The following GPC5 variants were observed in gnomAD, a reference collection of about 807,000 sequenced individuals.
GPC5 encodes the protein glypican 5, also known as glypican-5.
Under a neutral mutation model 53.9 loss-of-function variants are expected in GPC5, and 47 were observed. The ratio of observed to expected loss-of-function variants is 0.87; its 90% CI spans 0.69 to 1.11. The LOEUF is 1.11. GPC5 is among the 50% of genes most tolerant of loss of function. The pLI, the probability that GPC5 is intolerant of heterozygous loss-of-function variation, is 0.00. For synonymous variants in GPC5, 286 were observed against 263.3 expected, an observed-to-expected ratio of 1.09 and a Z score of -0.84; for missense variants, 748 against 713.1, an observed-to-expected ratio of 1.05 and a Z score of -0.56.
At chr13:91,845,825 A>G (rs1179199678) in intron 5 of GPC5, among the ~76,000 whole-genome samples, 7 of 152,212 alleles carry the variant, frequency 4.6e-5, no homozygotes, top group Non-Finnish European at 8.8e-5. Context: ...CTTGGTTAAA[A>G]TGTAAGATTT....
At chr13:91,530,253 TG>T (rs1886281828) in intron 2 of GPC5, among the ~76,000 whole-genome samples, 1 of 152,212 alleles carries the variant, frequency 6.6e-6, no homozygotes, top group African/African-American at 2.4e-5. Context: ...TGGATATCCC[TG>T]GAGAGTGGTT....
intron 2 of GPC5, among the ~76,000 whole-genome samples, chr13:91,594,917 A>G (rs7321257): frequency 0.24 from 36,737 of 151,702 alleles, 4,834 homozygotes; most frequent in African/African-American, 0.33. Context: ...CAGTCTTTCC[A>G]TCTTGAGCTC....
At chr13:92,008,546 A>G (rs1266690067) in intron 6 of GPC5, among the ~76,000 whole-genome samples, 2 of 151,978 alleles carry the variant, frequency 1.3e-5, no homozygotes, top group South Asian at 2.1e-4. Context: ...AAGCAAAATT[A>G]TCTTTTTAAA....
chr13:92,448,635 T>C (rs1594211341), intron 7 of GPC5: 1 of 152,088 alleles, frequency 6.6e-6, no homozygotes, highest in South Asian at 2.1e-4. Flanking sequence ...AGTAATGTTA[T>C]CTTGATGAGC....
At chr13:91,757,669 C>T (rs2037324743) in intron 5 of GPC5, among the ~76,000 whole-genome samples, 1 of 152,098 alleles carries the variant, frequency 6.6e-6, no homozygotes. Flanking sequence ...TAAAAGTTTC[C>T]TGAGGCCTCT....
intron 5 of GPC5, among the ~76,000 whole-genome samples, chr13:91,851,208 A>G (rs2038909071): frequency 6.6e-6 from 1 of 152,218 alleles, no homozygotes; most frequent in Admixed American, 6.5e-5. Flanking sequence ...AGATACAGCC[A>G]GTGCCCCAGA....
chr13:91,975,609 A>C (rs2040292506), intron 6 of GPC5, among the ~76,000 whole-genome samples: 1 of 152,248 alleles, frequency 6.6e-6, no homozygotes, highest in Non-Finnish European at 1.5e-5. Context: ...ATCATTAAAA[A>C]GTCAGGAAAC....
chr13:92,831,411 AC>A (rs2138821570), intron 7 of GPC5, among the ~76,000 whole-genome samples: 1 of 152,282 alleles, frequency 6.6e-6, no homozygotes, highest in Admixed American at 6.5e-5. Flanking sequence ...CTTTATTACA[AC>A]ATTACTCCCA....
At chr13:92,453,886 T>C (rs934739602) in intron 7 of GPC5, among the ~76,000 whole-genome samples, 6 of 152,312 alleles carry the variant, frequency 3.9e-5, no homozygotes, top group African/African-American at 1.4e-4. Flanking sequence ...GCAGGGCATG[T>C]TATTATTTAG....
intron 7 of GPC5, among the ~76,000 whole-genome samples, chr13:92,258,643 T>TA (rs1450068434): frequency 2.6e-5 from 4 of 152,134 alleles, no homozygotes; most frequent in East Asian, 3.9e-4. Context: ...GGTTCAATCT[T>TA]AAAAAAATGT....
At chr13:92,711,242 C>A (rs79501610) in intron 7 of GPC5, among the ~76,000 whole-genome samples, 2,522 of 152,158 alleles carry the variant, frequency 0.017, 75 homozygotes, top group African/African-American at 0.058. Flanking sequence ...CCACATGACC[C>A]TACTTATTAA....
intron 7 of GPC5, among the ~76,000 whole-genome samples, chr13:92,614,747 C>T (rs1200851738): frequency 2.0e-5 from 3 of 152,170 alleles, no homozygotes; most frequent in African/African-American, 7.2e-5. Flanking sequence ...ATTTTCTCAA[C>T]AATGTAATGG....
Position 91,662,698 on chromosome 13 carries a change from C to A in GPC5, c.326-30489C>A, listed in dbSNP as rs547348082. ...ATTTTCATTTGGTTCTGTATTGTTT[C>A]TCACCTGGACTATTACCCTAGTATC... On this transcript the variant is annotated intron_variant, in intron 2 of 7. Coordinates refer to ENST00000377067, the MANE Select transcript of GPC5 (RefSeq NM_004466.6). 3.3e-5 allele frequency among the ~76,000 whole-genome samples: 5 copies of A among 152,152 alleles called. No individual in the cohort carries two copies. The East Asian group carries it at 9.7e-4, about 29-fold the overall frequency.
chr13:92,789,879 C>A (rs994539243), intron 7 of GPC5, among the ~76,000 whole-genome samples: 6 of 152,030 alleles, frequency 3.9e-5, no homozygotes, highest in Non-Finnish European at 8.8e-5. Flanking sequence ...CAGTCCAAGT[C>A]CCAAAACCTC....
chr13:92,268,224 T>C (rs749821539), intron 7 of GPC5, among the ~76,000 whole-genome samples: 2 of 152,014 alleles, frequency 1.3e-5, no homozygotes, highest in African/African-American at 2.4e-5. Context: ...ACTCAACTTT[T>C]TGAAATTTCA....
At chr13:92,060,083 AT>A (rs1320068236) in intron 6 of GPC5, 1 of 152,008 alleles carries the variant, frequency 6.6e-6, no homozygotes, top group African/African-American at 2.4e-5. Context: ...AATATTATAA[AT>A]ACATTTGATA....
In GPC5 at chr13:92,002,536, G is replaced by A. The variant is rs115921372; in HGVS notation, c.1401+94479G>A. On this transcript the variant is annotated intron_variant, in intron 6 of 7. Coordinates refer to ENST00000377067, the MANE Select transcript of GPC5 (RefSeq NM_004466.6). ...CCACCAACATTTTGTTGGATGTTGT[G>A]GAGGGAAAACCATTCTTTATAGTAA... is the stretch of plus-strand genomic sequence containing the variant. Among the ~76,000 whole-genome samples, 1,121 of 152,244 alleles carry A rather than the reference G, an allele frequency of 7.4e-3. 13 individuals are homozygous for A. Among genetic ancestry groups the A allele is most frequent in the African/African-American group, 0.025 (1,040 of 41,558 alleles).
chr13:91,431,663 C>A (rs1347994575), intron 1 of GPC5, among the ~76,000 whole-genome samples: 2 of 152,172 alleles, frequency 1.3e-5, no homozygotes, highest in Non-Finnish European at 2.9e-5. Flanking sequence ...TGTTCCCCTT[C>A]AGGTCAACAA....
intron 5 of GPC5, among the ~76,000 whole-genome samples, chr13:91,860,666 C>T (rs1160417536): frequency 6.6e-6 from 1 of 151,746 alleles, no homozygotes; most frequent in African/African-American, 2.4e-5. Context: ...CATGTCCAGC[C>T]AATTTTTATA....
Sources: gnomAD v4.1 joint callset for allele counts (sites outside exome capture counted in the v4.1 genomes callset) on GRCh38, gnomAD v4.1.1 for gene constraint, MANE v1.5 for transcripts, NCBI Gene and HGNC (gene_info 2026-07-23, HGNC 2026-07-21) for gene names.